The following CACNA2D3 variants were observed in gnomAD, a reference collection of about 807,000 sequenced individuals.
CACNA2D3 encodes the protein voltage-dependent calcium channel subunit alpha-2/delta-3.
CACNA2D3 carries 60 observed loss-of-function variants against 160.6 expected under a neutral mutation model. The ratio of observed to expected loss-of-function variants is 0.37; its 90% CI spans 0.30 to 0.46. The LOEUF (loss-of-function observed/expected upper bound fraction) is 0.46. Among genes scored for constraint, CACNA2D3 ranks in the 20% least tolerant of loss-of-function variants. The pLI, the probability that CACNA2D3 is intolerant of heterozygous loss-of-function variation, is 1.00. For synonymous variants in CACNA2D3, 558 were observed against 492.9 expected, an observed-to-expected ratio of 1.13 and a Z score of -1.75; for missense variants, 1,205 against 1,365.0, an observed-to-expected ratio of 0.88 and a Z score of 1.85.
At position 54,399,884 on chromosome 3, in the gene CACNA2D3, C is replaced by T. The variant is rs892744603; in HGVS notation, c.381+13110C>T. Among the ~76,000 whole-genome samples the T allele has an allele frequency of 1.8e-4, 23 of 125,076 alleles. 4 individuals are homozygous for T. The East Asian group carries it at 2.1e-3, about 12-fold the overall frequency. 82.1% of individuals were successfully genotyped at this position (125,076 alleles called of 152,430 possible). Reference sequence around the variant, plus strand: ...CCCAGCAAGCCTGGGCAATGGCGGGCGCCCCTCCCCCAGCCTCGTTGCCGC... The same window carrying T: ...CCCAGCAAGCCTGGGCAATGGCGGGTGCCCCTCCCCCAGCCTCGTTGCCGC... On this transcript the variant is annotated intron_variant, in intron 4 of 37. Coordinates refer to ENST00000474759, the MANE Select transcript of CACNA2D3 (RefSeq NM_018398.3).
chr3:55,035,905 A>G (rs1703806207), intron 35 of CACNA2D3, among the ~76,000 whole-genome samples: 1 of 152,206 alleles, frequency 6.6e-6, no homozygotes, highest in South Asian at 2.1e-4. Flanking sequence ...GTGAGGATGG[A>G]TATTAAAATT....
At chr3:54,123,100 A>G (rs1363183008) in intron 1 of CACNA2D3, among the ~76,000 whole-genome samples, 1 of 152,052 alleles carries the variant, frequency 6.6e-6, no homozygotes, top group African/African-American at 2.4e-5. Flanking sequence ...ACCGAATCCA[A>G]CTTCCATGGG....
chr3:54,562,368 CTG>C (rs1216924901), intron 5 of CACNA2D3, among the ~76,000 whole-genome samples: 3 of 152,016 alleles, frequency 2.0e-5, no homozygotes, highest in African/African-American at 7.3e-5. Flanking sequence ...TGGAATAGGG[CTG>C]TGTTGGTGGC....
chr3:54,993,507 C>T (rs1575426205), intron 31 of CACNA2D3, among the ~76,000 whole-genome samples: 1 of 152,036 alleles, frequency 6.6e-6, no homozygotes, highest in Non-Finnish European at 1.5e-5. Flanking sequence ...CCAGGGAGAC[C>T]GAAGGGAAAG....
chr3:54,130,331 C>G (rs1699683323), intron 2 of CACNA2D3, among the ~76,000 whole-genome samples: 1 of 152,182 alleles, frequency 6.6e-6, no homozygotes, highest in South Asian at 2.1e-4. Flanking sequence ...AGTAACAGGT[C>G]AAGAGCTTGG....
intron 2 of CACNA2D3, among the ~76,000 whole-genome samples, chr3:54,289,889 C>A (rs1469580680): frequency 6.6e-6 from 1 of 152,022 alleles, no homozygotes; most frequent in Non-Finnish European, 1.5e-5. Context: ...CTTCCTTACA[C>A]CTTATACAAA....
At chr3:55,049,954 T>A (rs988434801) in intron 35 of CACNA2D3, among the ~76,000 whole-genome samples, 16 of 150,742 alleles carry the variant, frequency 1.1e-4, no homozygotes, top group Middle Eastern at 3.4e-3. Context: ...TCCATTGGCT[T>A]GTTAGATCTT....
At chr3:54,933,131 C>A (rs2106961319) in intron 27 of CACNA2D3, among the ~76,000 whole-genome samples, 1 of 146,230 alleles carries the variant, frequency 6.8e-6, no homozygotes, top group South Asian at 2.2e-4. Context: ...TGGACCTCTG[C>A]CTTTGGATTT....
intron 14 of CACNA2D3, among the ~76,000 whole-genome samples, chr3:54,832,814 C>T (rs1703908943): frequency 6.6e-6 from 1 of 152,184 alleles, no homozygotes. Flanking sequence ...CTTCCCAGCA[C>T]ATGGCATGGA....
intron 2 of CACNA2D3, among the ~76,000 whole-genome samples, chr3:54,279,808 G>C (rs1702829172): frequency 6.6e-6 from 1 of 152,176 alleles, no homozygotes. Context: ...GCTTTGAGTA[G>C]CTGCCTCAAC....
intron 35 of CACNA2D3, among the ~76,000 whole-genome samples, chr3:55,033,841 A>T (rs5008699): frequency 1.4e-5 from 1 of 70,132 alleles, no homozygotes; most frequent in Non-Finnish European, 2.6e-5. Flanking sequence ...TATATAATAT[A>T]TATTACATAT....
At chr3:54,694,098 A>T (rs971470257) in intron 11 of CACNA2D3, among the ~76,000 whole-genome samples, 1 of 152,204 alleles carries the variant, frequency 6.6e-6, no homozygotes, top group Non-Finnish European at 1.5e-5. Context: ...GGCAACTTCC[A>T]GTCCTGCAAG....
intron 12 of CACNA2D3, among the ~76,000 whole-genome samples, chr3:54,755,481 T>C (rs972544107): frequency 6.6e-6 from 1 of 152,220 alleles, no homozygotes; most frequent in African/African-American, 2.4e-5. Context: ...AAGGAAGGGC[T>C]GCATGGAAGT....
chr3:54,650,367 TTTTC>T lies in CACNA2D3; in HGVS notation c.1167+8130_1167+8133del, dbSNP rs1343715542. Among the ~76,000 whole-genome samples, 7 of 151,854 alleles carry T rather than the reference TTTTC, an allele frequency of 4.6e-5. 1 individual carries two copies. Among genetic ancestry groups the T allele is most frequent in the African/African-American group, 1.7e-4 (7 of 41,322 alleles). On this transcript the variant is annotated intron_variant, in intron 11 of 37. Transcript: ENST00000474759. Reference sequence around the variant, plus strand: ...GTCAGGCACCACCACACCTGGCTAATTTTCTTTATTTTTAAACAGAGTCTTGCTG... The same window carrying T: ...GTCAGGCACCACCACACCTGGCTAATTTTATTTTTAAACAGAGTCTTGCTG...
Position 55,015,094 on chromosome 3 carries a change from T to A in CACNA2D3, c.2876-3112T>A, listed in dbSNP as rs534134412. Among the ~76,000 whole-genome samples, 8 of 152,348 alleles carry A rather than the reference T, an allele frequency of 5.3e-5. No homozygotes were observed. The South Asian group carries it at 1.4e-3, about 28-fold the overall frequency. ...CTCACCATTGAGAGTATTGGACTCA[T>A]TCCATTGTAACTGGGCCCAGACAAT... On this transcript the variant is annotated intron_variant, in intron 34 of 37. Transcript: ENST00000474759.
intron 27 of CACNA2D3, among the ~76,000 whole-genome samples, chr3:54,932,978 A>G (rs2106960358): frequency 6.6e-6 from 1 of 152,286 alleles, no homozygotes; most frequent in Non-Finnish European, 1.5e-5. Flanking sequence ...TGGATGACCA[A>G]ACGGCACCCA....
chr3:54,727,978 T>C (rs983810425), intron 11 of CACNA2D3, among the ~76,000 whole-genome samples: 13 of 151,680 alleles, frequency 8.6e-5, no homozygotes, highest in Admixed American at 2.6e-4. Context: ...GTTAGTCTTA[T>C]TGCTTTTTAG....
chr3:54,226,602 C>A (rs1304467998), intron 2 of CACNA2D3, among the ~76,000 whole-genome samples: 2 of 152,268 alleles, frequency 1.3e-5, no homozygotes, highest in East Asian at 3.9e-4. Context: ...CATGCCTGGC[C>A]TGCAATTCCC....
intron 33 of CACNA2D3, 119 bp from the exon 34 acceptor site, chr3:55,009,269 T>C: frequency 2.4e-6 from 2 of 838,184 alleles, no homozygotes; most frequent in Non-Finnish European, 4.0e-6. Flanking sequence ...TGTGTTGATA[T>C]CTCCAAATTG....
Sources: allele counts gnomAD v4.1 joint callset (sites outside exome capture counted in the v4.1 genomes callset), GRCh38; gene constraint gnomAD v4.1.1; transcripts MANE v1.5; gene names NCBI Gene and HGNC (gene_info 2026-07-23, HGNC 2026-07-21).